NADK2: variants seen among roughly 807,000 people sequenced by gnomAD.
The protein encoded by NADK2 is NAD kinase domain-containing protein 1, mitochondrial.
NADK2 carries 35 observed loss-of-function variants against 62.1 expected under a neutral mutation model. That is an observed-to-expected ratio of 0.56 (90% CI 0.43 to 0.75). The LOEUF is 0.75. NADK2 is among the 30% of genes least tolerant of loss of function. The pLI is 0.00. For synonymous variants in NADK2, 205 were observed against 207.9 expected (o/e 0.99, Z 0.12); for missense variants, 439 against 561.3 (o/e 0.78, Z 2.20).
chr5:36,207,446 T>TA lies in NADK2; in HGVS notation c.861-182dup, dbSNP rs34974252. Among the ~76,000 whole-genome samples, 72,376 of 146,918 alleles carry TA rather than the reference T, an allele frequency of 0.49. 18,424 individuals are homozygous for TA. The highest frequency in any genetic ancestry group is 0.58 in the Non-Finnish European group (38,410 of 66,558). ...ATTAAGTGAAAAAGTTAGAAGAAAT[T>TA]AAAAAAAAAAAAACTACATGTCTGC... On this transcript the variant is annotated intron_variant, in intron 7 of 11. Coordinates refer to ENST00000381937, the MANE Select transcript of NADK2 (RefSeq NM_001085411.3).
chr5:36,227,636 TA>T, intron 1 of NADK2, 71 bp from the exon 2 acceptor site: 1 of 767,832 alleles, frequency 1.3e-6, no homozygotes. Context: ...TTATGATTTT[TA>T]AAAGCCCCGT....
intron 6 of NADK2, 35 bp downstream of exon 6, chr5:36,217,712 AT>A: frequency 6.2e-7 from 1 of 1,612,322 alleles, no homozygotes; most frequent in Non-Finnish European, 8.5e-7. Context: ...TGAGTTAAAT[AT>A]TTCCCCAAAC....
chr5:36,201,075 G>C, intron 9 of NADK2, 31 bp downstream of exon 9: 1 of 1,598,602 alleles, frequency 6.3e-7, no homozygotes, highest in Non-Finnish European at 8.6e-7. Flanking sequence ...GGATAAGAGG[G>C]GACTACTCCA....
chr5:36,197,408 A>G, intron 11 of NADK2, 133 bp downstream of exon 11: 1 of 1,147,480 alleles, frequency 8.7e-7, no homozygotes, highest in Non-Finnish European at 1.3e-6. Flanking sequence ...TGTTACTTTC[A>G]CAGGTTCTAC....
At chr5:36,210,203 C>G (rs1010904302) in intron 7 of NADK2, among the ~76,000 whole-genome samples, 7 of 152,144 alleles carry the variant, frequency 4.6e-5, no homozygotes, top group African/African-American at 1.2e-4. Context: ...TTACTTACAT[C>G]TACAAGGATG....
chr5:36,202,456 G>C (rs192178112), intron 8 of NADK2, among the ~76,000 whole-genome samples: 57 of 152,082 alleles, frequency 3.7e-4, no homozygotes, highest in Non-Finnish European at 4.0e-4. Context: ...CCACTGAACA[G>C]AGAACTGACA....
At chr5:36,234,924 C>G (rs1038315005) in intron 1 of NADK2, among the ~76,000 whole-genome samples, 1 of 152,108 alleles carries the variant, frequency 6.6e-6, no homozygotes, top group African/African-American at 2.4e-5. Flanking sequence ...CCATGGATCA[C>G]TTATAAATAT....
At chr5:36,198,826 T>A (rs1475837094) in intron 10 of NADK2, among the ~76,000 whole-genome samples, 1 of 151,866 alleles carries the variant, frequency 6.6e-6, no homozygotes, top group Non-Finnish European at 1.5e-5. Context: ...CCAGAATCCA[T>A]TTTAGAAGGC....
At position 36,217,811 on chromosome 5, in the gene NADK2, C is replaced by T. The variant is rs1561066302; in HGVS notation, c.718G>A (p.Glu240Lys). ...TGCTGATTCAAGCTTAGCTGCTGCT[C>T]GTGAAGGTCCACAGGTACAGGGTTT... ...GINPVPVDLHEQQLSLNQHNR... is the reference protein window; with the variant it reads ...GINPVPVDLHKQQLSLNQHNR... Residue 240 changes from glutamate (E) to lysine (K), a missense_variant, in exon 6 of 12, where the codon GAG (glutamate) becomes AAG (lysine). Physicochemically the swap from Glu to Lys is moderately conservative, Grantham distance 56. Coordinates refer to ENST00000381937, the MANE Select transcript of NADK2 (RefSeq NM_001085411.3). 3 of 1,613,952 alleles carry T rather than the reference C, an allele frequency of 1.9e-6. No individual in the cohort carries two copies. The highest frequency in any genetic ancestry group is 1.3e-5 in the African/African-American group (1 of 75,018).
chr5:36,197,418 CT>C, intron 11 of NADK2, 122 bp downstream of exon 11: 1 of 1,285,754 alleles, frequency 7.8e-7, no homozygotes. Context: ...ACAGGTTCTA[CT>C]TTTCCTGCTA....
At chr5:36,198,006 G>A (rs577939651) in intron 10 of NADK2, among the ~76,000 whole-genome samples, 8 of 152,014 alleles carry the variant, frequency 5.3e-5, no homozygotes, top group Non-Finnish European at 1.0e-4. Flanking sequence ...AGGAACTTGA[G>A]TTGCCATATG....
intron 8 of NADK2, among the ~76,000 whole-genome samples, chr5:36,206,516 G>GA (rs3086394): frequency 3.5e-4 from 51 of 145,418 alleles, no homozygotes; most frequent in Admixed American, 1.6e-3. Context: ...ATGAAGAATG[G>GA]AAAAAAAAAA....
At chr5:36,209,853 T>C (rs1045505582) in intron 7 of NADK2, among the ~76,000 whole-genome samples, 1 of 152,170 alleles carries the variant, frequency 6.6e-6, no homozygotes, top group Non-Finnish European at 1.5e-5. Flanking sequence ...ACATAGCACA[T>C]GCATGAGGTA....
intron 8 of NADK2, among the ~76,000 whole-genome samples, chr5:36,206,498 AG>A (rs1746644182): frequency 6.6e-6 from 1 of 151,478 alleles, no homozygotes; most frequent in Admixed American, 6.6e-5. Context: ...GGATATATAG[AG>A]GGGAGAATGA....
At position 36,200,142 on chromosome 5, in the gene NADK2, T is replaced by A. The variant is rs143239462; in HGVS notation, c.1066+85A>T. The A allele has an allele frequency of 8.2e-4, 746 of 909,388 alleles. 3 individuals are homozygous for A. In the African/African-American group the frequency reaches 0.011, roughly 14 times the overall value. The allele number at this position is 909,388 out of a possible 1,614,324, so 56.3% of individuals were successfully genotyped here. Reference sequence around the variant, plus strand: ...CATGTTTGAGTAAAAAAAAGTACTTTGCTAATTAAACAACACTTCACACTA... The same window carrying A: ...CATGTTTGAGTAAAAAAAAGTACTTAGCTAATTAAACAACACTTCACACTA... On this transcript the variant is annotated intron_variant, in intron 10 of 11. Transcript: ENST00000381937.
Position 36,241,404 on chromosome 5 carries a change from G to C in NADK2, c.300+95C>G. 1 of 1,400,748 alleles carries C rather than the reference G, an allele frequency of 7.1e-7. No individual in the cohort carries two copies. The highest frequency in any genetic ancestry group is 9.3e-7 in the Non-Finnish European group (1 of 1,080,608). The allele number at this position is 1,400,748 out of a possible 1,614,324, so 86.8% of individuals were successfully genotyped here. ...AGGACCGGCATCTGCGGTGCCCTGGGAAGAGTCGTCCCGAGAGGTCCCCCC... is the reference window on the plus strand; with the variant it reads ...AGGACCGGCATCTGCGGTGCCCTGGCAAGAGTCGTCCCGAGAGGTCCCCCC... On this transcript the variant is annotated intron_variant, in intron 1 of 11. Coordinates refer to ENST00000381937, the MANE Select transcript of NADK2 (RefSeq NM_001085411.3). The surrounding 1 kb of genome is among the most constrained non-coding windows in gnomAD (Gnocchi z 4.9).
chr5:36,234,288 G>A (rs1304924671), intron 1 of NADK2, among the ~76,000 whole-genome samples: 1 of 148,690 alleles, frequency 6.7e-6, no homozygotes, highest in East Asian at 2.0e-4. Context: ...CAGGAGAATG[G>A]CGTGAACCCG....
At chr5:36,234,297 C>T (rs1747817953) in intron 1 of NADK2, among the ~76,000 whole-genome samples, 3 of 144,810 alleles carry the variant, frequency 2.1e-5, no homozygotes, top group African/African-American at 5.1e-5. Context: ...GGCGTGAACC[C>T]GGGAGGCGGA....
intron 8 of NADK2, among the ~76,000 whole-genome samples, chr5:36,201,869 G>A (rs549685229): frequency 3.9e-5 from 6 of 151,976 alleles, no homozygotes; most frequent in Non-Finnish European, 8.8e-5. Context: ...ACAAGCATTA[G>A]TACAAACATG....
Sources: allele counts gnomAD v4.1 joint callset (sites outside exome capture counted in the v4.1 genomes callset), GRCh38; gene constraint gnomAD v4.1.1; non-coding constraint Gnocchi (gnomAD v3.1); transcripts MANE v1.5; gene names NCBI Gene and HGNC (gene_info 2026-07-23, HGNC 2026-07-21).